Variants in NNT observed in about 807,000 individuals in gnomAD.
NNT encodes the protein NAD(P) transhydrogenase, mitochondrial.
Under a neutral mutation model 104.8 loss-of-function variants are expected in NNT, and 50 were observed. The ratio of observed to expected loss-of-function variants is 0.48; its 90% confidence interval spans 0.38 to 0.60. NNT has a LOEUF of 0.60. Among genes scored for constraint, NNT ranks in the 20% least tolerant of loss-of-function variants. NNT has a pLI of 0.00. For synonymous variants in NNT, 461 were observed against 490.4 expected (o/e 0.94, Z 0.79); for missense variants, 1,131 against 1,330.7 (o/e 0.85, Z 2.33).
At chr5:43,668,244 G>GTTTTTT (rs57590117) in intron 17 of NNT, among the ~76,000 whole-genome samples, 5 of 138,326 alleles carry the variant, frequency 3.6e-5, no homozygotes, top group African/African-American at 1.3e-4. Context: ...TCTGATGGTG[G>GTTTTTT]TTTTTTTTTT....
chr5:43,630,948 G>C (rs1159376300), intron 7 of NNT, among the ~76,000 whole-genome samples: 1 of 152,180 alleles, frequency 6.6e-6, no homozygotes, highest in East Asian at 1.9e-4. Context: ...TGAAAGAGGA[G>C]AAACTCTCCT....
At chr5:43,646,355 G>A (rs1326068837) in intron 10 of NNT, among the ~76,000 whole-genome samples, 3 of 152,104 alleles carry the variant, frequency 2.0e-5, no homozygotes, top group South Asian at 2.1e-4. Flanking sequence ...GTGTGATTAC[G>A]GCTCACCATA....
chr5:43,654,491 A>C (rs1561294244), intron 14 of NNT, among the ~76,000 whole-genome samples: 1 of 152,256 alleles, frequency 6.6e-6, no homozygotes, highest in African/African-American at 2.4e-5. Context: ...AAATGAGTGA[A>C]GTTCTCGCAT....
chr5:43,622,533 G>C (rs936722738), intron 5 of NNT, among the ~76,000 whole-genome samples: 3 of 152,154 alleles, frequency 2.0e-5, no homozygotes, highest in African/African-American at 7.2e-5. Flanking sequence ...CTCCCAAAGC[G>C]CTGGGATCAC....
rs371207934 is a variant in NNT, at chr5:43,618,306, A to G, written c.600-726A>G. On this transcript the variant is annotated intron_variant, in intron 4 of 21. Transcript: ENST00000344920. ...CCTTACTTTATAGATGAGGAAACCA[A>G]GGTTTAGAAAATTTTAAAAATTTGC... 6.5e-4 allele frequency among the ~76,000 whole-genome samples: 99 copies of G among 152,350 alleles called. 2 individuals carry two copies. The highest frequency in any genetic ancestry group is 2.4e-3 in the African/African-American group (98 of 41,584).
In NNT at chr5:43,659,190, C is replaced by G; in HGVS notation, c.2474C>G (p.Ala825Gly). The change falls in exon 17 of 22, where the codon GCT becomes GGT. Residue 825 changes from alanine (A) to glycine (G), a missense_variant. Ala to Gly is a moderately conservative substitution (Grantham distance 60). Transcript: ENST00000344920. ...TTCTAGGGTGTGACTTTGACAGCTG[C>G]TATTGGGGGTGCTGACATGCCCGTC... ...SAVMGVTLTA[A>G]IGGADMPVVI... 1.2e-6 allele frequency: 2 copies of G among 1,610,184 alleles called. No homozygotes were observed. The highest frequency in any genetic ancestry group is 1.7e-6 in the Non-Finnish European group (2 of 1,178,148).
chr5:43,648,128 T>C lies in NNT; in HGVS notation c.1445-1019T>C, dbSNP rs748462429. 878 of 1,182,110 alleles carry C rather than the reference T, an allele frequency of 7.4e-4. 1 individual carries two copies. Among genetic ancestry groups the C allele is most frequent in the Non-Finnish European group, 8.6e-4 (808 of 935,804 alleles). 73.2% of individuals were successfully genotyped at this position (1,182,110 alleles called of 1,614,324 possible). The stretch of plus-strand genomic sequence containing the variant: ...GACAAAATAGTGTTGTATCTAACTC[T>C]CTCACCAGATGGTTAATGGGCTATG... On this transcript the variant is annotated intron_variant, in intron 10 of 21. Coordinates refer to ENST00000344920, the MANE Select transcript of NNT (RefSeq NM_182977.3).
chr5:43,659,519 A>T (rs1740243383), intron 17 of NNT, among the ~76,000 whole-genome samples, 169 bp downstream of exon 17: 1 of 152,184 alleles, frequency 6.6e-6, no homozygotes. Flanking sequence ...TCACGAGCTC[A>T]GGAGTTCAAG....
intron 5 of NNT, among the ~76,000 whole-genome samples, chr5:43,621,555 T>A (rs1750093599): frequency 6.6e-6 from 1 of 152,038 alleles, no homozygotes; most frequent in African/African-American, 2.4e-5. Flanking sequence ...ATTATTATTA[T>A]TTTTGACTTG....
chr5:43,698,295 A>T (rs192108851), intron 19 of NNT, among the ~76,000 whole-genome samples: 1 of 151,682 alleles, frequency 6.6e-6, no homozygotes, highest in Non-Finnish European at 1.5e-5. Context: ...ATCAATTCCC[A>T]GCTGGGGCCA....
intron 11 of NNT, 23 bp from the exon 12 acceptor site, chr5:43,650,454 C>T (rs1280619742): frequency 6.5e-7 from 1 of 1,546,460 alleles, no homozygotes; most frequent in Non-Finnish European, 8.9e-7. Flanking sequence ...TCACTATTAA[C>T]CATGTTAATG....
intron 19 of NNT, among the ~76,000 whole-genome samples, chr5:43,697,999 G>A (rs1742644698): frequency 6.6e-6 from 1 of 152,056 alleles, no homozygotes; most frequent in Non-Finnish European, 1.5e-5. Context: ...GCAAATGAAA[G>A]AGGTTGTAGA....
At chr5:43,650,629 G>A (rs774796049) in intron 12 of NNT, 42 bp downstream of exon 12, 1 of 1,396,004 alleles carries the variant, frequency 7.2e-7, no homozygotes, top group Non-Finnish European at 1.0e-6. Context: ...TTTCAATGGA[G>A]ACATACAAAG....
chr5:43,619,099 G>A lies in NNT; in HGVS notation c.667G>A (p.Gly223Arg). 1.3e-6 allele frequency: 2 copies of A among 1,545,676 alleles called. No individual in the cohort carries two copies. Among genetic ancestry groups the A allele is most frequent in the Non-Finnish European group, 1.7e-6 (2 of 1,143,888 alleles). ...RFFTGQITAAGKVPPAKILIV... is the reference protein window; with the variant it reads ...RFFTGQITAARKVPPAKILIV... ...TTTTACTGGTCAGATCACAGCTGCTGGAAAAGTTCCTCCAGCTAAGGTAGG... is the reference window on the plus strand; with the variant it reads ...TTTTACTGGTCAGATCACAGCTGCTAGAAAAGTTCCTCCAGCTAAGGTAGG... The change falls in exon 5 of 22, where the codon GGA becomes AGA. Residue 223 changes from glycine to arginine, a missense_variant. Transcript: ENST00000344920.
At chr5:43,644,412 A>G in intron 8 of NNT, 87 bp downstream of exon 8, 2 of 1,496,710 alleles carry the variant, frequency 1.3e-6, no homozygotes, top group Non-Finnish European at 1.8e-6. Context: ...ATTTAGAGAC[A>G]TTAAGGCTTG....
At chr5:43,604,978 A>G (rs1195668053) in intron 1 of NNT, among the ~76,000 whole-genome samples, 1 of 152,088 alleles carries the variant, frequency 6.6e-6, no homozygotes, top group East Asian at 1.9e-4. Context: ...GGTGGGTGCT[A>G]TTATTCCCCA....
intron 19 of NNT, among the ~76,000 whole-genome samples, chr5:43,691,861 C>A (rs1393215076): frequency 6.6e-6 from 1 of 152,136 alleles, no homozygotes; most frequent in Non-Finnish European, 1.5e-5. Flanking sequence ...AATCTCTGTG[C>A]CTTTCTTTGG....
intron 10 of NNT, 78 bp downstream of exon 10, chr5:43,645,588 T>G: frequency 1.2e-6 from 1 of 855,220 alleles, no homozygotes; most frequent in Non-Finnish European, 1.6e-6. Flanking sequence ...TATAGATATA[T>G]GTGTAGCTAT....
intron 17 of NNT, among the ~76,000 whole-genome samples, chr5:43,661,254 C>G (rs950506742): frequency 2.6e-5 from 4 of 152,100 alleles, no homozygotes; most frequent in Admixed American, 6.5e-5. Context: ...TGAAATTGTA[C>G]TAGAAATACA....
Sources: allele counts gnomAD v4.1 joint callset (sites outside exome capture counted in the v4.1 genomes callset), GRCh38; gene constraint gnomAD v4.1.1; transcripts MANE v1.5; gene names NCBI Gene and HGNC (gene_info 2026-07-23, HGNC 2026-07-21).